Variants in GRK7 observed in about 807,000 individuals in gnomAD.
The protein encoded by GRK7 is G protein-coupled receptor kinase 7.
Under a neutral mutation model 34.1 loss-of-function variants are expected in GRK7, and 24 were observed. The observed-to-expected ratio is 0.70, with a 90% CI of 0.51 to 0.99. The LOEUF is 0.99. GRK7 is among the 50% of genes least tolerant of loss of function. The pLI is 0.00. For synonymous variants in GRK7, 256 were observed against 279.4 expected (o/e 0.92, Z 0.84); for missense variants, 644 against 707.3 (o/e 0.91, Z 1.02).
intron 2 of GRK7, among the ~76,000 whole-genome samples, chr3:141,775,810 A>G (rs1385206003): frequency 6.6e-6 from 1 of 152,034 alleles, no homozygotes; most frequent in Non-Finnish European, 1.5e-5. Context: ...TTATCATATT[A>G]ATGTAGTTGC....
chr3:141,765,619 C>T lies in GRK7; in HGVS notation c.-334C>T, dbSNP rs543811691. ...TTTTGGAAAACTGCTCTGAGGCCAT[C>T]ATGCTTTGAGGAAGCCCAGGAGGAA... On this transcript the variant is annotated 5_prime_UTR_variant, in exon 1 of 6. Coordinates refer to ENST00000682958, the MANE Select transcript of GRK7 (RefSeq NM_139209.3). Among the ~76,000 whole-genome samples the T allele has an allele frequency of 6.6e-6, 1 of 152,204 alleles. No homozygotes were observed. The highest frequency in any genetic ancestry group is 6.5e-5 in the Admixed American group (1 of 15,276).
rs1261320996 is a variant in GRK7 at position 141,769,449 on chromosome 3, T to C, written c.-215+3711T>C. Reference sequence around the variant, plus strand: ...CATAAAGCAGCAGCCAGCGGTGTCTTTGAAACACAAATATATCCACATCGT... The same window carrying C: ...CATAAAGCAGCAGCCAGCGGTGTCTCTGAAACACAAATATATCCACATCGT... On this transcript the variant is annotated intron_variant, in intron 1 of 5. Coordinates refer to ENST00000682958, the MANE Select transcript of GRK7 (RefSeq NM_139209.3). Among the ~76,000 whole-genome samples the C allele has an allele frequency of 4.6e-5, 7 of 152,312 alleles. No individual in the cohort carries two copies. The East Asian group carries it at 1.3e-3, about 29-fold the overall frequency.
Position 141,778,819 on chromosome 3 carries a change from A to G in GRK7, c.535A>G (p.Lys179Glu), listed in dbSNP as rs1304256668. The G allele has an allele frequency of 1.2e-6, 2 of 1,611,570 alleles. No individual in the cohort carries two copies. Among genetic ancestry groups the G allele is most frequent in the Admixed American group, 1.7e-5 (1 of 59,538 alleles). ...SAFYDKFLQW[K>E]LFEMQPVSDK... ...CTTCTACGACAAGTTTCTGCAGTGG[A>G]AACTCTTCGAGATGCAACCAGTGTC... The change falls in exon 3 of 6, where the codon AAA (lysine) becomes GAA (glutamate). Residue 179 changes from lysine to glutamate, a missense_variant. Coordinates refer to ENST00000682958, the MANE Select transcript of GRK7 (RefSeq NM_139209.3). This position sits in a 1 kb window ranked among gnomAD's most constrained non-coding sequence, Gnocchi z 4.1.
upstream of GRK7, among the ~76,000 whole-genome samples, chr3:141,762,727 T>C (rs2084561405): frequency 3.3e-5 from 5 of 152,272 alleles, no homozygotes; most frequent in South Asian, 1.0e-3. Flanking sequence ...GCTGCCGCCT[T>C]GCAGTTTGAT....
At chr3:141,793,127 C>T (rs1413850589) in intron 4 of GRK7, among the ~76,000 whole-genome samples, 4 of 152,188 alleles carry the variant, frequency 2.6e-5, no homozygotes, top group Non-Finnish European at 5.9e-5. Context: ...TAAAATATCC[C>T]TTATAACAAA....
At chr3:141,795,321 G>GC (rs5853046) in intron 4 of GRK7, among the ~76,000 whole-genome samples, 120,716 of 152,056 alleles carry the variant, frequency 0.79, 48,758 homozygotes, top group African/African-American at 0.95. Context: ...GTGGGTAGAG[G>GC]CAGGGATACT....
At chr3:141,761,945 G>C (rs184402312), upstream of GRK7, among the ~76,000 whole-genome samples, 1 of 116,794 alleles carries the variant, frequency 8.6e-6, no homozygotes, top group Non-Finnish European at 1.8e-5. Context: ...CGTAGTTCTC[G>C]AGCCTTGGTT....
chr3:141,760,360 A>G (rs1165325187), upstream of GRK7, among the ~76,000 whole-genome samples: 1 of 138,608 alleles, frequency 7.2e-6, no homozygotes, highest in Non-Finnish European at 1.5e-5. Flanking sequence ...TTCTGCCTTC[A>G]TTTCGTTATG....
the GRK7 span, among the ~76,000 whole-genome samples, chr3:141,757,238 C>T: frequency 8.1e-5 from 12 of 148,902 alleles, no homozygotes; most frequent in East Asian, 6.0e-4. Context: ...CATGCTGGTG[C>T]GCTGCACCCA....
At chr3:141,801,700 A>G (rs1201821327) in intron 4 of GRK7, among the ~76,000 whole-genome samples, 1 of 152,116 alleles carries the variant, frequency 6.6e-6, no homozygotes, top group African/African-American at 2.4e-5. Flanking sequence ...GTGTTTTCTA[A>G]GTGACCTTAT....
chr3:141,775,067 CA>C (rs2084633055), intron 2 of GRK7, among the ~76,000 whole-genome samples: 1 of 152,086 alleles, frequency 6.6e-6, no homozygotes, highest in Non-Finnish European at 1.5e-5. Context: ...GCTGGGATTA[CA>C]GGCAGGAGCC....
At chr3:141,779,498 C>T (rs566365824) in intron 3 of GRK7, among the ~76,000 whole-genome samples, 2 of 151,996 alleles carry the variant, frequency 1.3e-5, no homozygotes, top group African/African-American at 4.8e-5. Context: ...ACTGTTGTGC[C>T]CAGCTTTCTG....
At chr3:141,790,432 C>T (rs967376444) in intron 4 of GRK7, among the ~76,000 whole-genome samples, 1 of 152,208 alleles carries the variant, frequency 6.6e-6, no homozygotes, top group African/African-American at 2.4e-5. Context: ...AGCTGAACTT[C>T]TAAGAAAGGA....
chr3:141,781,301 C>G (rs1463652184), intron 4 of GRK7, among the ~76,000 whole-genome samples: 1 of 151,970 alleles, frequency 6.6e-6, no homozygotes, highest in African/African-American at 2.4e-5. Flanking sequence ...TTTGGGGAGG[C>G]CGAGGCGGGT....
chr3:141,759,470 G>A (rs201100598), upstream of GRK7, among the ~76,000 whole-genome samples: 6,433 of 138,660 alleles, frequency 0.046, 102 homozygotes, highest in South Asian at 0.074. Context: ...ATTGATTTGC[G>A]TATATTGAAC....
At chr3:141,771,692 A>T (rs1043549510) in intron 1 of GRK7, among the ~76,000 whole-genome samples, 1 of 149,566 alleles carries the variant, frequency 6.7e-6, no homozygotes, top group Non-Finnish European at 1.5e-5. Context: ...TCCCAAATCT[A>T]TTTTTTTTTT....
intron 4 of GRK7, among the ~76,000 whole-genome samples, chr3:141,794,181 T>C (rs9831276): frequency 0.81 from 123,304 of 152,204 alleles, 50,680 homozygotes; most frequent in African/African-American, 0.96. Context: ...AGTACGGCTC[T>C]ATTGGCTTAT....
the GRK7 span, among the ~76,000 whole-genome samples, chr3:141,750,231 T>G: frequency 6.6e-6 from 1 of 152,206 alleles, no homozygotes; most frequent in Admixed American, 6.5e-5. Flanking sequence ...GGAGTAAGCT[T>G]TGCAATCAAC....
At chr3:141,760,374 C>T (rs2084550059), upstream of GRK7, among the ~76,000 whole-genome samples, 1 of 141,552 alleles carries the variant, frequency 7.1e-6, no homozygotes, top group Non-Finnish European at 1.5e-5. Context: ...CGTTATGTAC[C>T]CAGTAGTCAT....
Sources: allele counts gnomAD v4.1 joint callset (sites outside exome capture counted in the v4.1 genomes callset), GRCh38; gene constraint gnomAD v4.1.1; non-coding constraint Gnocchi (gnomAD v3.1); transcripts MANE v1.5; gene names NCBI Gene and HGNC (gene_info 2026-07-23, HGNC 2026-07-21).